The following TRIOBP variants were observed in gnomAD, a reference collection of about 807,000 sequenced individuals.
The protein encoded by TRIOBP is TRIO and F-actin-binding protein.
In TRIOBP, 169 loss-of-function variants were observed where a neutral mutation model predicts 238.8. The observed-to-expected ratio is 0.71, with a 90% CI of 0.62 to 0.80. The LOEUF (loss-of-function observed/expected upper bound fraction) is 0.80. Ranked by LOEUF, TRIOBP falls within the 30% of genes least tolerant of loss-of-function variation. The pLI, the probability that TRIOBP is intolerant of heterozygous loss-of-function variation, is 0.00. For synonymous variants in TRIOBP, 1,150 were observed against 1,274.4 expected (o/e 0.90, Z 2.08); for missense variants, 2,838 against 3,122.6 (o/e 0.91, Z 2.17).
At chr22:37,754,783 C>G in intron 12 of TRIOBP, 94 bp from the exon 13 acceptor site, 1 of 1,314,266 alleles carries the variant, frequency 7.6e-7, no homozygotes, top group Non-Finnish European at 1.1e-6. Context: ...TCCGCCTCCC[C>G]ACCCCTCCTG....
At chr22:37,719,007 C>A (rs1923686310) in intron 6 of TRIOBP, among the ~76,000 whole-genome samples, 1 of 151,064 alleles carries the variant, frequency 6.6e-6, no homozygotes, top group South Asian at 2.1e-4. Context: ...CCACCACGCC[C>A]AGCTGACTTT....
intron 6 of TRIOBP, among the ~76,000 whole-genome samples, chr22:37,718,223 C>T (rs1923637714): frequency 6.6e-6 from 1 of 152,352 alleles, no homozygotes; most frequent in African/African-American, 2.4e-5. Context: ...GCGCCTCTCC[C>T]TCCACACCTC....
In TRIOBP at chr22:37,710,565, A is replaced by T; in HGVS notation, c.253A>T (p.Arg85Trp). ...VDPGLRPGPK[R>W]GPSPSAGLPE... Reference sequence around the variant, plus strand: ...CCCAGGCCTCAGGCCAGGGCCCAAGAGGTGGGTAGAGTCCCAGGGCCCAGG... The same window carrying T: ...CCCAGGCCTCAGGCCAGGGCCCAAGTGGTGGGTAGAGTCCCAGGGCCCAGG... The change falls in exon 4 of 24, where the codon AGG becomes TGG. Residue 85 changes from arginine to tryptophan, a missense_variant and splice_region_variant. By Grantham distance (101) the Arg-to-Trp change is moderately radical. Transcript: ENST00000644935. The T allele has an allele frequency of 6.2e-7, 1 of 1,609,576 alleles. No individual in the cohort carries two copies. The highest frequency in any genetic ancestry group is 1.3e-5 in the African/African-American group (1 of 75,022).
rs979843969 is a variant in TRIOBP at position 37,755,584 on chromosome 22, C to T, written c.5612C>T (p.Thr1871Ile). 1.2e-6 allele frequency: 2 copies of T among 1,614,054 alleles called. No homozygotes were observed. The highest frequency in any genetic ancestry group is 1.7e-6 in the Non-Finnish European group (2 of 1,180,026). ...KDAVYTLSAM[T>I]SGIRRNWIEA... ...GCTGTCTATACCTTGTCGGCCATGA[C>T]CTCAGGCATCCGGCGGAACTGGATC... Residue 1871 changes from threonine to isoleucine, a missense_variant, in exon 15 of 24, where the codon ACC (threonine) becomes ATC (isoleucine). Thr to Ile is a moderately conservative substitution (Grantham distance 89). This residue lies in a region of TRIOBP where 2,096 missense variants were observed against 2,137.4 expected (regional missense o/e 0.98). Transcript: ENST00000644935.
intron 5 of TRIOBP, 57 bp downstream of exon 5, chr22:37,713,468 C>A: frequency 6.3e-7 from 1 of 1,587,966 alleles, no homozygotes; most frequent in Non-Finnish European, 8.6e-7. Flanking sequence ...CATCTGCAGC[C>A]CTGGGTCCCA....
At chr22:37,712,224 A>G (rs1393569302) in intron 4 of TRIOBP, among the ~76,000 whole-genome samples, 2 of 152,182 alleles carry the variant, frequency 1.3e-5, no homozygotes, top group East Asian at 3.9e-4. Context: ...ATCTTGCTCT[A>G]TCACCCAAGC....
intron 3 of TRIOBP, among the ~76,000 whole-genome samples, chr22:37,702,451 G>A (rs1464416168): frequency 1.3e-5 from 2 of 151,738 alleles, no homozygotes; most frequent in Non-Finnish European, 2.9e-5. Flanking sequence ...TGATCCACCC[G>A]CCTCAGCCTC....
Position 37,754,905 on chromosome 22 carries a change from C to G in TRIOBP, c.5408C>G (p.Ser1803Cys), listed in dbSNP as rs765107583. ...CCCTCCCCCTCGCTCACCACCACCTCTACTTCGCAGTGGAAGAAACATTGG... is the reference window on the plus strand; with the variant it reads ...CCCTCCCCCTCGCTCACCACCACCTGTACTTCGCAGTGGAAGAAACATTGG... The part of the protein sequence containing the change: ...EPPSPSLTTT[S>C]TSQWKKHWFV... The change falls in exon 13 of 24, where the codon TCT becomes TGT. Residue 1803 changes from serine to cysteine, a missense_variant. Ser to Cys is a moderately radical substitution (Grantham distance 112, BLOSUM62 -1). Coordinates refer to ENST00000644935, the MANE Select transcript of TRIOBP (RefSeq NM_001039141.3). 1.2e-6 allele frequency: 2 copies of G among 1,614,190 alleles called. No homozygotes were observed. Among genetic ancestry groups the G allele is most frequent in the Non-Finnish European group, 1.7e-6 (2 of 1,180,046 alleles).
intron 2 of TRIOBP, among the ~76,000 whole-genome samples, chr22:37,700,061 G>C (rs1307542778): frequency 6.6e-6 from 1 of 151,228 alleles, no homozygotes; most frequent in African/African-American, 2.4e-5. Context: ...GTATTTAGTA[G>C]AGGCGGGGTT....
rs367687004 is a variant in TRIOBP, at chr22:37,719,989, C to CACACTGCACTCTCTGTTTCACTCAT, written c.629-3196_629-3195insACACTGCACTCTCTGTTTCACTCAT. Among the ~76,000 whole-genome samples, 3 of 71,208 alleles carry CACACTGCACTCTCTGTTTCACTCAT rather than the reference C, an allele frequency of 4.2e-5. 1 individual carries two copies. Among genetic ancestry groups the CACACTGCACTCTCTGTTTCACTCAT allele is most frequent in the Non-Finnish European group, 7.6e-5 (3 of 39,508 alleles). The allele number at this position is 71,208 out of a possible 152,430, so 46.7% of individuals were successfully genotyped here. On this transcript the variant is annotated intron_variant, in intron 6 of 23. Coordinates refer to ENST00000644935, the MANE Select transcript of TRIOBP (RefSeq NM_001039141.3). ...ACACTGCACTCACTGTTTCACTCAT[C>CACACTGCACTCTCTGTTTCACTCAT]CCCCCCCGCCCTTTTTTTTTTTTTT...
At position 37,741,546 on chromosome 22, in the gene TRIOBP, C is replaced by T. The variant is rs1284086521; in HGVS notation, c.5322+514C>T. Reference sequence around the variant, plus strand: ...GACCCGCTCCCTCCCACCCGCTTCACAGCAGGACAGAAGGGGCCTGGCCAT... The same window carrying T: ...GACCCGCTCCCTCCCACCCGCTTCATAGCAGGACAGAAGGGGCCTGGCCAT... On this transcript the variant is annotated intron_variant, in intron 11 of 23. Transcript: ENST00000644935. Among the ~76,000 whole-genome samples the T allele has an allele frequency of 2.0e-5, 3 of 152,246 alleles. No individual in the cohort carries two copies. The East Asian group carries it at 5.8e-4, about 29-fold the overall frequency.
At chr22:37,738,957 C>T (rs2145846277) in intron 10 of TRIOBP, among the ~76,000 whole-genome samples, 1 of 152,234 alleles carries the variant, frequency 6.6e-6, no homozygotes, top group Non-Finnish European at 1.5e-5. Flanking sequence ...CCATGCTTCT[C>T]ATTTGCTGGG....
chr22:37,700,360 C>G (rs1039037874), intron 2 of TRIOBP, among the ~76,000 whole-genome samples: 1 of 151,408 alleles, frequency 6.6e-6, no homozygotes, highest in Non-Finnish European at 1.5e-5. Flanking sequence ...ACACTACCAC[C>G]TCAAACTCCT....
intron 1 of TRIOBP, among the ~76,000 whole-genome samples, 161 bp from the exon 2 acceptor site, chr22:37,697,427 C>T (rs1371339367): frequency 1.3e-5 from 2 of 152,114 alleles, no homozygotes; most frequent in African/African-American, 2.4e-5. Flanking sequence ...AGGAGAGAAA[C>T]GCCCAGGACG....
chr22:37,767,819 C>T (rs1169780216), intron 18 of TRIOBP, among the ~76,000 whole-genome samples: 2 of 152,122 alleles, frequency 1.3e-5, no homozygotes, highest in Non-Finnish European at 2.9e-5. Flanking sequence ...GGATTATCTT[C>T]CCTTAATAGA....
At chr22:37,749,485 C>T (rs967515439) in intron 11 of TRIOBP, among the ~76,000 whole-genome samples, 2 of 152,116 alleles carry the variant, frequency 1.3e-5, no homozygotes, top group African/African-American at 4.8e-5. Context: ...GGAGGCGGGG[C>T]TGTGAGAACC....
At position 37,724,561 on chromosome 22, in the gene TRIOBP, C is replaced by A. The variant is rs1357819666; in HGVS notation, c.2005C>A (p.Gln669Lys). 1 of 1,600,598 alleles carries A rather than the reference C, an allele frequency of 6.2e-7. No individual in the cohort carries two copies. ...RASSPNRTIQ[Q>K]ENPRTSCALR... ...CTCCTCTCCTAACAGAACCATCCAACAAGAGAACCCCAGAACATCCTGTGC... is the reference window on the plus strand; with the variant it reads ...CTCCTCTCCTAACAGAACCATCCAAAAAGAGAACCCCAGAACATCCTGTGC... Residue 669 changes from glutamine to lysine, a missense_variant, in exon 7 of 24, where the codon CAA (glutamine) becomes AAA (lysine). Gln to Lys is a moderately conservative substitution (Grantham distance 53). This residue lies in a region of TRIOBP where 167 missense variants were observed against 200.2 expected (regional missense o/e 0.83). Coordinates refer to ENST00000644935, the MANE Select transcript of TRIOBP (RefSeq NM_001039141.3).
chr22:37,706,931 G>T (rs866127712), intron 3 of TRIOBP, among the ~76,000 whole-genome samples: 1 of 152,034 alleles, frequency 6.6e-6, no homozygotes, highest in Non-Finnish European at 1.5e-5. Flanking sequence ...ACCCAACTCT[G>T]GGCAGGTAGC....
At chr22:37,771,880 C>A in intron 22 of TRIOBP, 144 bp downstream of exon 22, 1 of 757,848 alleles carries the variant, frequency 1.3e-6, no homozygotes. Context: ...TAGGTGTCAT[C>A]ATCCCCATTC....
Sources: allele counts gnomAD v4.1 joint callset (sites outside exome capture counted in the v4.1 genomes callset), GRCh38; gene constraint gnomAD v4.1.1; regional missense constraint gnomAD v4.1.1; transcripts MANE v1.5; gene names NCBI Gene and HGNC (gene_info 2026-07-23, HGNC 2026-07-21).